DLG2: variants seen among roughly 807,000 people sequenced by gnomAD.
DLG2 encodes the protein discs large MAGUK scaffold protein 2.
A neutral mutation model predicts 132.5 loss-of-function variants in DLG2; 45 were observed. That is an observed-to-expected ratio of 0.34 (90% CI 0.27 to 0.44). The LOEUF is 0.44. DLG2 is among the 20% of genes least tolerant of loss of function. The probability of loss-of-function intolerance (pLI) is 1.00; values close to 1 mark genes in which losing one functional copy is unlikely to be tolerated. For missense variants in DLG2, 1,045 were observed against 1,196.9 expected (o/e 0.87, Z 1.87); for synonymous variants, 424 against 419.6 (o/e 1.01, Z -0.13).
At chr11:84,123,307 T>C (rs926674614) in intron 9 of DLG2, among the ~76,000 whole-genome samples, 4 of 152,362 alleles carry the variant, frequency 2.6e-5, no homozygotes, top group South Asian at 2.1e-4. Context: ...CTCTTTCATA[T>C]TGATAATTTC....
At chr11:84,122,845 A>C (rs1256398326) in intron 9 of DLG2, among the ~76,000 whole-genome samples, 3 of 152,112 alleles carry the variant, frequency 2.0e-5, no homozygotes, top group Non-Finnish European at 4.4e-5. Flanking sequence ...ATAGACACAC[A>C]CACGCACCCC....
At chr11:83,641,949 T>C (rs186086959) in intron 18 of DLG2, among the ~76,000 whole-genome samples, 371 of 151,054 alleles carry the variant, frequency 2.5e-3, no homozygotes, top group African/African-American at 8.6e-3. Flanking sequence ...GAGAGAGAGA[T>C]ACAGAGATGG....
chr11:83,583,779 T>C (rs890385010), intron 19 of DLG2, among the ~76,000 whole-genome samples: 1 of 152,210 alleles, frequency 6.6e-6, no homozygotes, highest in African/African-American at 2.4e-5. Flanking sequence ...AATTGATATG[T>C]TTCATTAATA....
intron 11 of DLG2, among the ~76,000 whole-genome samples, chr11:84,048,147 T>TTAA (rs200342146): frequency 0.038 from 5,657 of 150,774 alleles, 306 homozygotes; most frequent in African/African-American, 0.13. Flanking sequence ...TGTCCTTCAT[T>TTAA]TAATAATAAT....
intron 6 of DLG2, among the ~76,000 whole-genome samples, chr11:84,576,515 T>A (rs961749875): frequency 2.0e-5 from 3 of 152,124 alleles, no homozygotes; most frequent in Non-Finnish European, 2.9e-5. Flanking sequence ...AGAGGGTAAG[T>A]TTTTGAAATA....
chr11:84,910,695 T>C (rs2091971935), intron 6 of DLG2, among the ~76,000 whole-genome samples: 1 of 152,112 alleles, frequency 6.6e-6, no homozygotes, highest in Admixed American at 6.5e-5. Flanking sequence ...GGAGGATAGT[T>C]TGAGCCCAGG....
At chr11:84,037,103 G>A (rs1418742062) in intron 11 of DLG2, among the ~76,000 whole-genome samples, 1 of 152,090 alleles carries the variant, frequency 6.6e-6, no homozygotes, top group South Asian at 2.1e-4. Context: ...AAGCAGCGAG[G>A]AGATCCATGT....
At chr11:84,133,423 T>G (rs564742215) in intron 9 of DLG2, among the ~76,000 whole-genome samples, 2 of 152,040 alleles carry the variant, frequency 1.3e-5, no homozygotes, top group Non-Finnish European at 2.9e-5. Context: ...GTGTGGGCTA[T>G]AGGAGGTTTG....
At chr11:85,341,374 C>A (rs1565348964) in intron 3 of DLG2, among the ~76,000 whole-genome samples, 1 of 152,182 alleles carries the variant, frequency 6.6e-6, no homozygotes, top group Non-Finnish European at 1.5e-5. Context: ...CCCGCCTGGG[C>A]CTCCCAAAGT....
At chr11:84,379,719 A>G (rs919741779) in intron 7 of DLG2, among the ~76,000 whole-genome samples, 4 of 152,112 alleles carry the variant, frequency 2.6e-5, no homozygotes, top group East Asian at 1.9e-4. Context: ...TATTGAAAGT[A>G]TCTTGCCAGT....
intron 18 of DLG2, among the ~76,000 whole-genome samples, chr11:83,713,253 A>G (rs191059356): frequency 6.6e-6 from 1 of 152,318 alleles, no homozygotes. Context: ...TCCAGATTCC[A>G]CAATTTTCCC....
intron 12 of DLG2, among the ~76,000 whole-genome samples, chr11:83,967,802 G>A (rs1392132462): frequency 2.6e-5 from 4 of 152,110 alleles, no homozygotes; most frequent in African/African-American, 9.7e-5. Context: ...CAATGACAAG[G>A]TCAAGGAAGC....
intron 7 of DLG2, among the ~76,000 whole-genome samples, chr11:84,463,648 A>G (rs1017555865): frequency 6.6e-6 from 1 of 151,154 alleles, no homozygotes; most frequent in African/African-American, 2.4e-5. Context: ...CAAATTAACT[A>G]TGCATTCACT....
chr11:84,130,679 T>C (rs2094386900), intron 9 of DLG2, among the ~76,000 whole-genome samples: 1 of 151,884 alleles, frequency 6.6e-6, no homozygotes, highest in African/African-American at 2.4e-5. Context: ...TAGTACTCTA[T>C]TTGTGTCCAA....
At chr11:84,923,039 T>C (rs1180522077) in intron 6 of DLG2, 2 of 1,612,896 alleles carry the variant, frequency 1.2e-6, no homozygotes, top group African/African-American at 1.3e-5. Flanking sequence ...TGGTTTAACA[T>C]GTATATTGTG....
intron 6 of DLG2, among the ~76,000 whole-genome samples, chr11:84,808,141 G>A (rs1370049718): frequency 1.3e-5 from 2 of 152,042 alleles, no homozygotes; most frequent in Non-Finnish European, 2.9e-5. Context: ...CATAGAGAGT[G>A]TGTTATCTGA....
intron 6 of DLG2, among the ~76,000 whole-genome samples, chr11:85,045,896 A>G (rs763707420): frequency 6.6e-6 from 1 of 152,070 alleles, no homozygotes; most frequent in Non-Finnish European, 1.5e-5. Context: ...AAACATCATT[A>G]TCACTAGTTG....
At chr11:83,699,049 G>A (rs1457137449) in intron 18 of DLG2, among the ~76,000 whole-genome samples, 1 of 152,160 alleles carries the variant, frequency 6.6e-6, no homozygotes, top group Non-Finnish European at 1.5e-5. Flanking sequence ...CAGAAACTTT[G>A]GGACCTGTGA....
At chr11:85,074,824 A>G (rs1229614232) in intron 6 of DLG2, among the ~76,000 whole-genome samples, 1 of 151,878 alleles carries the variant, frequency 6.6e-6, no homozygotes, top group African/African-American at 2.4e-5. Flanking sequence ...TGCATGAAAA[A>G]CAGTATGTGC....
Sources: allele counts gnomAD v4.1 joint callset (sites outside exome capture counted in the v4.1 genomes callset), GRCh38; gene constraint gnomAD v4.1.1; transcripts MANE v1.5; gene names NCBI Gene and HGNC (gene_info 2026-07-23, HGNC 2026-07-21).